MYO10: variants seen among roughly 807,000 people sequenced by gnomAD.
MYO10 encodes the protein myosin X, also known as unconventional myosin-X.
In MYO10, 133 loss-of-function variants were observed where a neutral mutation model predicts 257.3. That is an observed-to-expected ratio of 0.52 (90% CI 0.45 to 0.60). The LOEUF (loss-of-function observed/expected upper bound fraction) is 0.60. MYO10 is among the 20% of genes least tolerant of loss of function. The pLI is 0.00. For missense variants in MYO10, 2,399 were observed against 2,635.7 expected (o/e 0.91, Z 1.97); for synonymous variants, 1,104 against 1,028.6 (o/e 1.07, Z -1.40).
chr5:16,757,505 T>C (rs1406605473), intron 18 of MYO10, among the ~76,000 whole-genome samples: 1 of 151,974 alleles, frequency 6.6e-6, no homozygotes, highest in East Asian at 1.9e-4. Context: ...AAGAAATATA[T>C]CCCATTTCCA....
chr5:16,823,468 ATTTTT>A (rs1173952251), intron 2 of MYO10, among the ~76,000 whole-genome samples: 1 of 6,446 alleles, frequency 1.6e-4, no homozygotes, highest in African/African-American at 4.7e-4. Flanking sequence ...GGGAGTGGGG[ATTTTT>A]TTTTTTTTTT....
At chr5:16,813,983 C>T (rs79838069) in intron 3 of MYO10, among the ~76,000 whole-genome samples, 3,413 of 152,256 alleles carry the variant, frequency 0.022, 171 homozygotes, top group East Asian at 0.18. Flanking sequence ...AAACAAGGAC[C>T]TCAGTCCTCC....
chr5:16,713,017 G>T (rs904036365), intron 19 of MYO10, among the ~76,000 whole-genome samples: 4 of 152,018 alleles, frequency 2.6e-5, no homozygotes, highest in Admixed American at 2.0e-4. Context: ...ATTTATTTGG[G>T]AATATAATCT....
intron 2 of MYO10, among the ~76,000 whole-genome samples, chr5:16,865,194 A>G (rs1744210799): frequency 1.3e-5 from 2 of 152,194 alleles, no homozygotes; most frequent in African/African-American, 4.8e-5. Flanking sequence ...TCGGATTTTA[A>G]AAAATTATCT....
chr5:16,866,058 C>CACACAAAA (rs1491356491), intron 2 of MYO10, among the ~76,000 whole-genome samples: 2 of 131,534 alleles, frequency 1.5e-5, no homozygotes, highest in East Asian at 2.3e-4. Flanking sequence ...CACACACACA[C>CACACAAAA]AAAACAATAG....
At chr5:16,825,502 C>A (rs1013612817) in intron 2 of MYO10, among the ~76,000 whole-genome samples, 2 of 152,156 alleles carry the variant, frequency 1.3e-5, no homozygotes, top group Non-Finnish European at 2.9e-5. Context: ...CGTTTGATGC[C>A]TCCCTATATT....
chr5:16,794,467 A>C (rs1487501419), intron 4 of MYO10, among the ~76,000 whole-genome samples, 179 bp downstream of exon 4: 1 of 152,104 alleles, frequency 6.6e-6, no homozygotes, highest in Non-Finnish European at 1.5e-5. Context: ...CTGCTTTGCT[A>C]AGTAAGCTCC....
intron 37 of MYO10, among the ~76,000 whole-genome samples, chr5:16,671,925 T>C (rs1167825904): frequency 6.6e-6 from 1 of 152,184 alleles, no homozygotes; most frequent in Non-Finnish European, 1.5e-5. Flanking sequence ...TGAATACTCT[T>C]GTATGAGGGC....
At chr5:16,686,876 T>C (rs1737277995) in intron 28 of MYO10, among the ~76,000 whole-genome samples, 1 of 152,162 alleles carries the variant, frequency 6.6e-6, no homozygotes, top group African/African-American at 2.4e-5. Flanking sequence ...TTCAACCATC[T>C]AACAGCATTT....
rs1738587044 is a variant in MYO10, at chr5:16,711,168, G to A, written c.2007C>T (p.Arg669=). 10 of 1,613,792 alleles carry A rather than the reference G, an allele frequency of 6.2e-6. No homozygotes were observed. The highest frequency in any genetic ancestry group is 1.3e-5 in the African/African-American group (1 of 75,012). ...YSGMLETVRI[R]KAGYAVRRPF... ...GTCTTCGGACCGCATACCCAGCTTT[G>A]CGGATTCTCACAGTCTCCAGCATCC... The change falls in exon 20 of 41, where the codon CGC becomes CGT. Residue 669 remains arginine (R), a synonymous_variant. Coordinates refer to ENST00000513610, the MANE Select transcript of MYO10 (RefSeq NM_012334.3).
intron 19 of MYO10, among the ~76,000 whole-genome samples, chr5:16,753,411 C>T (rs1740438064): frequency 6.6e-6 from 1 of 151,792 alleles, no homozygotes; most frequent in Non-Finnish European, 1.5e-5. Context: ...TTGTGATCCA[C>T]CCGCCTCGGC....
In MYO10 at chr5:16,746,735, G is replaced by A. The variant is rs532547543; in HGVS notation, c.1929+8093C>T. 2.6e-5 allele frequency among the ~76,000 whole-genome samples: 4 copies of A among 152,302 alleles called. No individual in the cohort carries two copies. In the East Asian group the frequency reaches 7.7e-4, roughly 29 times the overall value. On this transcript the variant is annotated intron_variant, in intron 19 of 40. Transcript: ENST00000513610. The stretch of plus-strand genomic sequence containing the variant: ...CATTTCATACTTTCTGCAAAGCAAC[G>A]AGCAAGAGCTAAGCGATAAGAAATC...
In MYO10 at chr5:16,663,351, TTTTTTTTTTTTTTTTTA is replaced by T. The variant is rs1561158480; in HGVS notation, c.*3324_*3340del. 1 of 106,376 alleles carries T rather than the reference TTTTTTTTTTTTTTTTTA, an allele frequency of 9.4e-6. No homozygotes were observed. 6.6% of individuals were successfully genotyped at this position (106,376 alleles called of 1,614,324 possible). A position where few individuals can be genotyped will look rare whatever the true frequency, so the allele number is the denominator to read the frequency against. ...TTGTTTTTTTTTTTTTTTTTTTTTTTTTTTTTTTTTTTTTTTACAAATCACCTATATGTATTAGCTTT... is the reference window on the plus strand; with the variant it reads ...TTGTTTTTTTTTTTTTTTTTTTTTTTCAAATCACCTATATGTATTAGCTTT... On this transcript the variant is annotated 3_prime_UTR_variant, in exon 41 of 41. Coordinates refer to ENST00000513610, the MANE Select transcript of MYO10 (RefSeq NM_012334.3).
chr5:16,727,466 C>A (rs1739414982), intron 19 of MYO10, among the ~76,000 whole-genome samples: 1 of 152,084 alleles, frequency 6.6e-6, no homozygotes, highest in African/African-American at 2.4e-5. Context: ...ATAACATTAC[C>A]CATTTTTCAA....
At chr5:16,893,196 C>CAAACAAAAAAAAAAAA (rs538239809) in intron 1 of MYO10, among the ~76,000 whole-genome samples, 6 of 69,612 alleles carry the variant, frequency 8.6e-5, no homozygotes, top group Admixed American at 2.4e-4. Context: ...GACTCTGTCT[C>CAAACAAAAAAAAAAAA]AAAAAAAAAA....
intron 1 of MYO10, among the ~76,000 whole-genome samples, chr5:16,905,108 C>T (rs1745484970): frequency 6.6e-6 from 1 of 152,182 alleles, no homozygotes; most frequent in African/African-American, 2.4e-5. Flanking sequence ...ACACACCGAA[C>T]ATCAGGCAGC....
At chr5:16,815,520 C>G in intron 3 of MYO10, 2 of 681,642 alleles carry the variant, frequency 2.9e-6, no homozygotes, top group South Asian at 3.2e-5. Context: ...ATTTTATCAA[C>G]TACAAGACTT....
chr5:16,825,706 G>A (rs1046396798), intron 2 of MYO10, among the ~76,000 whole-genome samples: 3 of 152,260 alleles, frequency 2.0e-5, no homozygotes, highest in South Asian at 2.1e-4. Context: ...GTGGACAGCC[G>A]GATGCAGTGG....
At chr5:16,687,171 A>G (rs1163006719) in intron 28 of MYO10, among the ~76,000 whole-genome samples, 1 of 151,958 alleles carries the variant, frequency 6.6e-6, no homozygotes, top group Non-Finnish European at 1.5e-5. Flanking sequence ...AAAATAAAAA[A>G]TTAGCTGGGT....
Sources: allele counts gnomAD v4.1 joint callset (sites outside exome capture counted in the v4.1 genomes callset), GRCh38; gene constraint gnomAD v4.1.1; transcripts MANE v1.5; gene names NCBI Gene and HGNC (gene_info 2026-07-23, HGNC 2026-07-21).